The following L3MBTL3 variants were observed in gnomAD, a reference collection of about 807,000 sequenced individuals.
L3MBTL3 encodes the protein lethal(3)malignant brain tumor-like protein 3.
Under a neutral mutation model 102.3 loss-of-function variants are expected in L3MBTL3, and 27 were observed. The observed-to-expected ratio is 0.26, with a 90% CI of 0.19 to 0.36. L3MBTL3 has a LOEUF of 0.36. Among genes scored for constraint, L3MBTL3 ranks in the 10% least tolerant of loss-of-function variants. L3MBTL3 has a pLI of 1.00. For missense variants in L3MBTL3, 798 were observed against 955.3 expected (o/e 0.84, Z 2.17); for synonymous variants, 340 against 320.9 (o/e 1.06, Z -0.64).
chr6:130,118,885 C>G (rs1016108298), intron 19 of L3MBTL3, among the ~76,000 whole-genome samples: 3 of 152,132 alleles, frequency 2.0e-5, no homozygotes, highest in African/African-American at 7.2e-5. Flanking sequence ...CTTTCTTATT[C>G]TATCTCTGTT....
chr6:130,077,283 T>C (rs1783013261), intron 13 of L3MBTL3, among the ~76,000 whole-genome samples: 1 of 152,182 alleles, frequency 6.6e-6, no homozygotes, highest in African/African-American at 2.4e-5. Context: ...TTGTATAATT[T>C]ATAAAAGTGC....
intron 9 of L3MBTL3, among the ~76,000 whole-genome samples, chr6:130,058,454 A>G (rs1333911921): frequency 6.6e-6 from 1 of 151,590 alleles, no homozygotes; most frequent in Non-Finnish European, 1.5e-5. Context: ...TCTGAGCAAC[A>G]TAGTGAGACT....
chr6:130,113,440 A>G (rs1263328987), intron 19 of L3MBTL3, among the ~76,000 whole-genome samples: 1 of 152,210 alleles, frequency 6.6e-6, no homozygotes, highest in Non-Finnish European at 1.5e-5. Context: ...TCTATTCTAT[A>G]GCTGCTTATA....
At chr6:130,118,999 CTATCTT>C (rs1195139422) in intron 19 of L3MBTL3, among the ~76,000 whole-genome samples, 7 of 152,108 alleles carry the variant, frequency 4.6e-5, no homozygotes, top group Non-Finnish European at 7.4e-5. Flanking sequence ...CTCAAGTCTT[CTATCTT>C]TATTTTAACA....
At chr6:130,041,023 C>T (rs1046103681) in intron 2 of L3MBTL3, among the ~76,000 whole-genome samples, 23 of 152,076 alleles carry the variant, frequency 1.5e-4, no homozygotes, top group Non-Finnish European at 2.2e-4. Flanking sequence ...GTGCAAATGT[C>T]GACACAGTGA....
chr6:130,125,078 G>A (rs1786505395), intron 20 of L3MBTL3, among the ~76,000 whole-genome samples: 4 of 152,180 alleles, frequency 2.6e-5, no homozygotes, highest in Admixed American at 6.5e-5. Flanking sequence ...TGGAGGCTCC[G>A]TGCTGTAACA....
chr6:130,106,410 A>G (rs1562316331), intron 19 of L3MBTL3, among the ~76,000 whole-genome samples: 1 of 152,016 alleles, frequency 6.6e-6, no homozygotes, highest in Non-Finnish European at 1.5e-5. Context: ...CCTTGAATTG[A>G]CTCACTTAGG....
At chr6:130,125,877 G>A (rs2114331077) in intron 20 of L3MBTL3, among the ~76,000 whole-genome samples, 1 of 152,190 alleles carries the variant, frequency 6.6e-6, no homozygotes, top group East Asian at 1.9e-4. Context: ...TTGAGTCTAG[G>A]AGCAAATTGA....
At chr6:130,063,392 A>G (rs2114933770) in intron 10 of L3MBTL3, among the ~76,000 whole-genome samples, 1 of 152,290 alleles carries the variant, frequency 6.6e-6, no homozygotes, top group East Asian at 1.9e-4. Context: ...GGACAGGACC[A>G]TCTAGGAGAA....
intron 15 of L3MBTL3, 78 bp downstream of exon 15, chr6:130,083,783 T>G: frequency 4.3e-6 from 3 of 692,616 alleles, no homozygotes; most frequent in Non-Finnish European, 7.3e-6. Context: ...CAAGATGGTA[T>G]TAGTAAACCA....
Position 130,060,601 on chromosome 6 carries a change from C to G in L3MBTL3, c.864+461C>G, listed in dbSNP as rs968363512. Among the ~76,000 whole-genome samples the G allele has an allele frequency of 3.3e-5, 5 of 152,014 alleles. No individual in the cohort carries two copies. The East Asian group carries it at 9.7e-4, about 29-fold the overall frequency. On this transcript the variant is annotated intron_variant, in intron 10 of 22. Coordinates refer to ENST00000361794, the MANE Select transcript of L3MBTL3 (RefSeq NM_032438.4). Reference sequence around the variant, plus strand: ...TACTTTAAAAACTGTGACCACACAGCTTCAAAGTGGTCGAACCAGGATTTG... The same window carrying G: ...TACTTTAAAAACTGTGACCACACAGGTTCAAAGTGGTCGAACCAGGATTTG...
intron 1 of L3MBTL3, among the ~76,000 whole-genome samples, chr6:130,020,050 C>T (rs1778869462): frequency 7.2e-6 from 1 of 139,010 alleles, no homozygotes; most frequent in Non-Finnish European, 1.6e-5. Flanking sequence ...GGGGGCGGCG[C>T]GGGGCTGCTT....
intron 2 of L3MBTL3, among the ~76,000 whole-genome samples, chr6:130,035,580 G>C (rs771203346): frequency 5.9e-5 from 9 of 152,254 alleles, no homozygotes; most frequent in Non-Finnish European, 1.2e-4. Context: ...TTTTGCACTA[G>C]TGCCAGCAGT....
intron 16 of L3MBTL3, among the ~76,000 whole-genome samples, chr6:130,091,901 G>A (rs531572745): frequency 5.1e-4 from 77 of 151,582 alleles, no homozygotes; most frequent in South Asian, 2.1e-4. Context: ...ATTAACAGGC[G>A]CAAAAATAGA....
intron 22 of L3MBTL3, among the ~76,000 whole-genome samples, chr6:130,135,774 T>A (rs1016724719): frequency 1.3e-5 from 2 of 152,202 alleles, no homozygotes; most frequent in Admixed American, 6.5e-5. Flanking sequence ...TTGTGCACAT[T>A]TGTTAAATTC....
At chr6:130,069,145 G>T (rs1344458485) in intron 12 of L3MBTL3, among the ~76,000 whole-genome samples, 2 of 152,144 alleles carry the variant, frequency 1.3e-5, no homozygotes, top group Non-Finnish European at 2.9e-5. Context: ...CATCCCCCAA[G>T]CCTGGAGAAC....
rs771106964 is a variant in L3MBTL3 at position 130,042,713 on chromosome 6, C to T, written c.14C>T (p.Ala5Val). MTES[A>V]SSTSGQEFDV... ...AAAAAATAAATCATGACTGAATCTG[C>T]CTCTAGCACAAGTGGTCAAGAGTTT... is the stretch of plus-strand genomic sequence containing the variant. Residue 5 changes from alanine to valine, a missense_variant, in exon 3 of 23, where the codon GCC becomes GTC. Coordinates refer to ENST00000361794, the MANE Select transcript of L3MBTL3 (RefSeq NM_032438.4). The T allele has an allele frequency of 2.5e-6, 4 of 1,611,074 alleles. No individual in the cohort carries two copies. Among genetic ancestry groups the T allele is most frequent in the Non-Finnish European group, 3.4e-6 (4 of 1,177,536 alleles).
At chr6:130,070,950 C>T (rs771925592) in intron 12 of L3MBTL3, 26 bp from the exon 13 acceptor site, 13 of 1,605,088 alleles carry the variant, frequency 8.1e-6, no homozygotes, top group Middle Eastern at 3.3e-4. Context: ...GTGCTTATCT[C>T]TAATTAAATC....
At chr6:130,044,349 C>T (rs1476313896) in intron 3 of L3MBTL3, among the ~76,000 whole-genome samples, 3 of 151,916 alleles carry the variant, frequency 2.0e-5, no homozygotes, top group Non-Finnish European at 2.9e-5. Context: ...TTGCTTTACT[C>T]CTTTATTTCC....
Sources: gnomAD v4.1 joint callset for allele counts (sites outside exome capture counted in the v4.1 genomes callset) on GRCh38, gnomAD v4.1.1 for gene constraint, MANE v1.5 for transcripts, NCBI Gene and HGNC (gene_info 2026-07-23, HGNC 2026-07-21) for gene names.